RAPGEF3: variants seen among roughly 807,000 people sequenced by gnomAD.
RAPGEF3 encodes the protein Rap guanine nucleotide exchange factor 3.
RAPGEF3 carries 103 observed loss-of-function variants against 129.8 expected under a neutral mutation model. The observed-to-expected ratio is 0.79, with a 90% CI of 0.68 to 0.93. The LOEUF (loss-of-function observed/expected upper bound fraction) is 0.93. RAPGEF3 is among the 40% of genes least tolerant of loss of function. The pLI is 0.00. For missense variants in RAPGEF3, 1,117 were observed against 1,207.4 expected (o/e 0.93, Z 1.11); for synonymous variants, 436 against 482.6 (o/e 0.90, Z 1.26).
intron 12 of RAPGEF3, 83 bp from the exon 13 acceptor site, chr12:47,748,235 C>T (rs1165155554): frequency 1.6e-6 from 2 of 1,221,956 alleles, no homozygotes; most frequent in Non-Finnish European, 2.3e-6. Flanking sequence ...TGGAAGGACC[C>T]TTCCCCACAT....
intron 2 of RAPGEF3, chr12:47,756,276 A>C (rs551932497): frequency 2.6e-5 from 4 of 152,220 alleles, no homozygotes; most frequent in African/African-American, 9.6e-5. Context: ...TTGTCCTGGC[A>C]CCTGACCTTC....
chr12:47,739,529 C>A (rs1323593821), intron 23 of RAPGEF3: 1 of 596,250 alleles, frequency 1.7e-6, no homozygotes, highest in East Asian at 3.2e-5. Context: ...GTCCCTCCCT[C>A]TCTCTCTCTG....
chr12:47,739,521 C>G, intron 23 of RAPGEF3: 1 of 617,100 alleles, frequency 1.6e-6, no homozygotes, highest in South Asian at 1.7e-5. Flanking sequence ...CTTTCTGTGT[C>G]CCTCCCTCTC....
rs113877524 is a variant in RAPGEF3, at chr12:47,738,230, G to A, written c.2544C>T (p.Ala848=). ...TTCGGCAGTGGTGCAGCATCCGCGCGGCTCTGGCCATCATTCTCTGCGGAC... is the reference window on the plus strand; with the variant it reads ...TTCGGCAGTGGTGCAGCATCCGCGCAGCTCTGGCCATCATTCTCTGCGGAC... ...NFEKMRMMAR[A]ARMLHHCRSH... is the part of the protein sequence containing the mutation. Residue 848 remains alanine, a synonymous_variant, in exon 26 of 28, where the codon GCC becomes GCT. Coordinates refer to ENST00000449771, the MANE Select transcript of RAPGEF3 (RefSeq NM_001098531.4). 1.3e-5 allele frequency: 21 copies of A among 1,613,520 alleles called. No homozygotes were observed. The highest frequency in any genetic ancestry group is 1.8e-4 in the Middle Eastern group (1 of 5,568).
At chr12:47,757,399 A>G (rs1411981551) in intron 2 of RAPGEF3, among the ~76,000 whole-genome samples, 1 of 152,134 alleles carries the variant, frequency 6.6e-6, no homozygotes, top group African/African-American at 2.4e-5. Flanking sequence ...CAGTGTCCAC[A>G]TGATCACCTC....
rs1345506096 is a variant in RAPGEF3, at chr12:47,744,594, G to A, written c.1597-526C>T. 6.9e-5 allele frequency: 11 copies of A among 160,180 alleles called. No homozygotes were observed. In the East Asian group the frequency reaches 9.5e-4, roughly 14 times the overall value. The allele number at this position is 160,180 out of a possible 1,614,324, so 9.9% of individuals were successfully genotyped here. A position where few individuals can be genotyped will look rare whatever the true frequency, so the allele number is the denominator to read the frequency against. ...CTGCTCCTTTCCCCCTCTGTGCTCC[G>A]ATACTGTGTCAGTGGCCCTGTCCCA... is the stretch of plus-strand genomic sequence containing the variant. On this transcript the variant is annotated intron_variant, in intron 16 of 27. Transcript: ENST00000449771.
At position 47,743,794 on chromosome 12, in the gene RAPGEF3, G is replaced by A. The variant is rs908854263; in HGVS notation, c.1679-118C>T. The A allele has an allele frequency of 1.5e-5, 21 of 1,447,974 alleles. No homozygotes were observed. The Middle Eastern group carries it at 5.6e-4, about 39-fold the overall frequency. The allele number at this position is 1,447,974 out of a possible 1,614,324, so 89.7% of individuals were successfully genotyped here. ...TCCCCAAGAGGCTGAGCTGCAGGTGGGGAGGCCCTGAGCAAAAAAGAGGCA... is the reference window on the plus strand; with the variant it reads ...TCCCCAAGAGGCTGAGCTGCAGGTGAGGAGGCCCTGAGCAAAAAAGAGGCA... On this transcript the variant is annotated intron_variant, in intron 17 of 27. Transcript: ENST00000449771.
At chr12:47,758,219 G>A (rs1279025290) in intron 1 of RAPGEF3, 141 bp from the exon 2 acceptor site, 1 of 1,436,692 alleles carries the variant, frequency 7.0e-7, no homozygotes, top group Non-Finnish European at 9.1e-7. Context: ...GCCAGGAGCT[G>A]GGGGGAGGAA....
rs868536785 is a variant in RAPGEF3 at position 47,737,468 on chromosome 12, G to A, written c.*99C>T. The A allele has an allele frequency of 9.4e-7, 1 of 1,061,918 alleles. No individual in the cohort carries two copies. The highest frequency in any genetic ancestry group is 1.4e-6 in the Non-Finnish European group (1 of 723,644). The allele number at this position is 1,061,918 out of a possible 1,614,324, so 65.8% of individuals were successfully genotyped here. ...GGGACTCGAGTCCACTCCACGGAGAGCCTTGCCCAGCTGTGGCCAGCCTGT... is the reference window on the plus strand; with the variant it reads ...GGGACTCGAGTCCACTCCACGGAGAACCTTGCCCAGCTGTGGCCAGCCTGT... On this transcript the variant is annotated 3_prime_UTR_variant, in exon 28 of 28. Transcript: ENST00000449771.
chr12:47,743,892 C>T (rs1941289210), intron 17 of RAPGEF3, 95 bp downstream of exon 17: 4 of 1,428,282 alleles, frequency 2.8e-6, no homozygotes, highest in East Asian at 2.4e-5. Flanking sequence ...TTGGCCCAGG[C>T]ACACCGAGGT....
At chr12:47,738,148 G>A (rs745767382) in intron 26 of RAPGEF3, 45 bp downstream of exon 26, 6 of 1,613,804 alleles carry the variant, frequency 3.7e-6, no homozygotes, top group African/African-American at 2.7e-5. Flanking sequence ...CCTCACAGAG[G>A]ATGTAGGGTG....
intron 23 of RAPGEF3, 113 bp from the exon 24 acceptor site, chr12:47,739,343 T>C (rs780810259): frequency 1.2e-5 from 10 of 830,548 alleles, no homozygotes; most frequent in Non-Finnish European, 1.4e-5. Context: ...AGGCCCCAAC[T>C]CAGCCTCTCC....
rs1054529169 is a variant in RAPGEF3, at chr12:47,737,015, A to G, written c.*552T>C. The G allele has an allele frequency of 1.3e-5, 2 of 155,790 alleles. No individual in the cohort carries two copies. Among genetic ancestry groups the G allele is most frequent in the African/African-American group, 2.4e-5 (1 of 41,468 alleles). 9.7% of individuals were successfully genotyped at this position (155,790 alleles called of 1,614,324 possible). A position where few individuals can be genotyped will look rare whatever the true frequency, so the allele number is the denominator to read the frequency against. Reference sequence around the variant, plus strand: ...ACTCTGGGCTGGCCTGGAACATACTACTATGTTGACAGTAACAATAAAGCT... The same window carrying G: ...ACTCTGGGCTGGCCTGGAACATACTGCTATGTTGACAGTAACAATAAAGCT... On this transcript the variant is annotated 3_prime_UTR_variant, in exon 28 of 28. Coordinates refer to ENST00000449771, the MANE Select transcript of RAPGEF3 (RefSeq NM_001098531.4).
chr12:47,757,208 G>C (rs186877270), intron 2 of RAPGEF3, among the ~76,000 whole-genome samples: 103 of 152,270 alleles, frequency 6.8e-4, no homozygotes, highest in Middle Eastern at 3.4e-3. Flanking sequence ...CTTCTCTGCT[G>C]ATTTGGATAG....
At chr12:47,742,166 C>G (rs548383754) in intron 18 of RAPGEF3, 11 of 152,234 alleles carry the variant, frequency 7.2e-5, no homozygotes, top group African/African-American at 2.4e-4. Flanking sequence ...ACCTGCTTTG[C>G]ATTTCTACTC....
chr12:47,743,683 A>G lies in RAPGEF3; in HGVS notation c.1679-7T>C. The G allele has an allele frequency of 6.2e-7, 1 of 1,603,342 alleles. No individual in the cohort carries two copies. The highest frequency in any genetic ancestry group is 1.1e-5 in the South Asian group (1 of 90,648). ...CGGCAGATGTCATAGGGGACTGAAGAGGAGACCAGACTGAGCTGTGGGAAG... is the reference window on the plus strand; with the variant it reads ...CGGCAGATGTCATAGGGGACTGAAGGGGAGACCAGACTGAGCTGTGGGAAG... On this transcript the variant is annotated splice_region_variant and splice_polypyrimidine_tract_variant and intron_variant, in intron 17 of 27. Coordinates refer to ENST00000449771, the MANE Select transcript of RAPGEF3 (RefSeq NM_001098531.4).
chr12:47,740,593 G>A, intron 21 of RAPGEF3, 49 bp downstream of exon 21: 1 of 1,551,222 alleles, frequency 6.4e-7, no homozygotes, highest in South Asian at 1.1e-5. Context: ...TTAGGAAAAG[G>A]TAGCCGGGGG....
At position 47,749,705 on chromosome 12, in the gene RAPGEF3, C is replaced by T. The variant is rs1239190894; in HGVS notation, c.894+36G>A. 2 of 1,612,476 alleles carry T rather than the reference C, an allele frequency of 1.2e-6. No individual in the cohort carries two copies. The highest frequency in any genetic ancestry group is 1.7e-5 in the Admixed American group (1 of 59,940). The stretch of plus-strand genomic sequence containing the variant: ...GACATGGACCAGGGAGCAGTTAGGA[C>T]CCAGGGCACTGGGGTGGGGAGGAGG... On this transcript the variant is annotated intron_variant, in intron 9 of 27. Transcript: ENST00000449771. This position sits in a 1 kb window ranked among gnomAD's most constrained non-coding sequence, Gnocchi z 4.5.
intron 2 of RAPGEF3, among the ~76,000 whole-genome samples, chr12:47,757,210 T>C (rs1015263801): frequency 6.6e-6 from 1 of 152,180 alleles, no homozygotes; most frequent in Non-Finnish European, 1.5e-5. Flanking sequence ...TCTCTGCTGA[T>C]TTGGATAGTA....
Sources: allele counts gnomAD v4.1 joint callset (sites outside exome capture counted in the v4.1 genomes callset), GRCh38; gene constraint gnomAD v4.1.1; non-coding constraint Gnocchi (gnomAD v3.1); transcripts MANE v1.5; gene names NCBI Gene and HGNC (gene_info 2026-07-23, HGNC 2026-07-21).